The following R3HDM2 variants were observed in gnomAD, a reference collection of about 807,000 sequenced individuals.
R3HDM2 encodes R3H domain-containing protein 2.
R3HDM2 carries 38 observed loss-of-function variants against 124.5 expected under a neutral mutation model. The observed-to-expected ratio is 0.31, with a 90% CI of 0.24 to 0.40. The LOEUF (loss-of-function observed/expected upper bound fraction) is 0.40, where lower values mean the gene tolerates loss of function less well. Among genes scored for constraint, R3HDM2 ranks in the 10% least tolerant of loss-of-function variants. R3HDM2 has a pLI of 1.00. For synonymous variants in R3HDM2, 391 were observed against 448.0 expected, an observed-to-expected ratio of 0.87 and a Z score of 1.61; for missense variants, 869 against 1,236.9, an observed-to-expected ratio of 0.70 and a Z score of 4.46.
chr12:57,358,284 G>A (rs1383121136), intron 2 of R3HDM2, among the ~76,000 whole-genome samples: 1 of 152,022 alleles, frequency 6.6e-6, no homozygotes, highest in Non-Finnish European at 1.5e-5. Flanking sequence ...ACCGCGCCCA[G>A]CCAAATTTAG....
intron 1 of R3HDM2, among the ~76,000 whole-genome samples, chr12:57,417,341 C>T (rs374278265): frequency 2.6e-5 from 4 of 151,048 alleles, no homozygotes; most frequent in African/African-American, 9.7e-5. Flanking sequence ...GTAGAAATCC[C>T]GCCACTGCAC....
intron 2 of R3HDM2, among the ~76,000 whole-genome samples, chr12:57,373,678 G>A (rs752697913): frequency 2.6e-4 from 40 of 151,732 alleles, no homozygotes; most frequent in African/African-American, 6.3e-4. Flanking sequence ...GGGTGGTGGC[G>A]CATGCCTATT....
intron 2 of R3HDM2, among the ~76,000 whole-genome samples, chr12:57,342,459 C>T (rs1454468296): frequency 1.3e-5 from 2 of 150,730 alleles, no homozygotes; most frequent in Admixed American, 6.7e-5. Flanking sequence ...GTCACACTGG[C>T]ACATACACTC....
At chr12:57,324,536 A>G (rs1201276213) in intron 2 of R3HDM2, among the ~76,000 whole-genome samples, 1 of 152,236 alleles carries the variant, frequency 6.6e-6, no homozygotes, top group East Asian at 1.9e-4. Context: ...GAAATTAGAC[A>G]ACAACCTGAT....
chr12:57,363,880 G>A (rs563382528), intron 2 of R3HDM2, among the ~76,000 whole-genome samples: 7 of 150,564 alleles, frequency 4.6e-5, no homozygotes, highest in African/African-American at 1.7e-4. Flanking sequence ...AAAAAAAAAA[G>A]GCAAAAGAAT....
intron 11 of R3HDM2, among the ~76,000 whole-genome samples, chr12:57,290,355 G>C (rs2048330303): frequency 6.6e-6 from 1 of 152,204 alleles, no homozygotes; most frequent in Admixed American, 6.5e-5. Flanking sequence ...AAGCTATTGG[G>C]AGGTGGTTTA....
At chr12:57,361,048 C>CAAAAAAAAAAAAAAAAAAAA (rs35437591) in intron 2 of R3HDM2, among the ~76,000 whole-genome samples, 1 of 60,040 alleles carries the variant, frequency 1.7e-5, no homozygotes. Flanking sequence ...AGACACGTCT[C>CAAAAAAAAAAAAAAAAAAAA]AAAAAAAAAA....
chr12:57,301,135 TAAAAA>T (rs1313261663), intron 4 of R3HDM2, among the ~76,000 whole-genome samples: 3 of 150,884 alleles, frequency 2.0e-5, no homozygotes, highest in Non-Finnish European at 4.4e-5. Context: ...TAAAAAAAAA[TAAAAA>T]AAAGAGAGAC....
intron 14 of R3HDM2, among the ~76,000 whole-genome samples, chr12:57,277,099 CA>C (rs11321648): frequency 0.54 from 56,943 of 106,348 alleles, 12,705 homozygotes; most frequent in Middle Eastern, 0.8. Context: ...AAATAATGAA[CA>C]AAAAAAAAAA....
chr12:57,423,281 A>G (rs1348711744), intron 1 of R3HDM2, among the ~76,000 whole-genome samples: 1 of 151,916 alleles, frequency 6.6e-6, no homozygotes, highest in Non-Finnish European at 1.5e-5. Flanking sequence ...AAAATTAGCC[A>G]GGCACGGTGG....
chr12:57,404,563 C>T (rs1273665716), intron 1 of R3HDM2, among the ~76,000 whole-genome samples: 4 of 152,000 alleles, frequency 2.6e-5, no homozygotes, highest in African/African-American at 7.2e-5. Context: ...ATTAAATGGG[C>T]ATGGTGGCGT....
intron 2 of R3HDM2, among the ~76,000 whole-genome samples, chr12:57,380,399 C>T (rs2064687649): frequency 6.6e-6 from 1 of 152,038 alleles, no homozygotes. Context: ...CACAAAAGAC[C>T]CTTGCAGGTA....
chr12:57,299,613 GT>G, intron 5 of R3HDM2, 135 bp from the exon 6 acceptor site: 1 of 979,250 alleles, frequency 1.0e-6, no homozygotes, highest in Non-Finnish European at 1.5e-6. Flanking sequence ...TAATTAAACT[GT>G]TTTAGTTTTC....
At chr12:57,290,589 CTATA>C (rs2138325619) in intron 11 of R3HDM2, among the ~76,000 whole-genome samples, 1 of 152,154 alleles carries the variant, frequency 6.6e-6, no homozygotes, top group South Asian at 2.1e-4. Flanking sequence ...ATAGTAAGTG[CTATA>C]TAAGTGCTTG....
intron 2 of R3HDM2, among the ~76,000 whole-genome samples, chr12:57,393,137 T>A (rs1277176085): frequency 6.7e-6 from 1 of 149,012 alleles, no homozygotes; most frequent in Non-Finnish European, 1.5e-5. Flanking sequence ...GGAGTCTCGC[T>A]CTGTCGCCCA....
intron 2 of R3HDM2, among the ~76,000 whole-genome samples, chr12:57,327,719 G>T (rs1435862935): frequency 1.3e-5 from 2 of 152,126 alleles, no homozygotes; most frequent in Non-Finnish European, 2.9e-5. Flanking sequence ...CTGAAGATGG[G>T]GTGGAAATAG....
intron 1 of R3HDM2, chr12:57,418,308 T>A (rs184326701): frequency 1.0e-6 from 1 of 985,436 alleles, no homozygotes. Flanking sequence ...TTCTCATTAC[T>A]TCTGCGCAGA....
chr12:57,328,073 T>A (rs2057562776), intron 2 of R3HDM2, among the ~76,000 whole-genome samples: 1 of 124,862 alleles, frequency 8.0e-6, no homozygotes, highest in Non-Finnish European at 1.8e-5. Flanking sequence ...ATTCACGTTA[T>A]CTTTTTTTTT....
chr12:57,327,952 G>C (rs907535542), intron 2 of R3HDM2, among the ~76,000 whole-genome samples: 2 of 152,196 alleles, frequency 1.3e-5, no homozygotes, highest in African/African-American at 4.8e-5. Context: ...GGCAGGGTTT[G>C]AGAGGACTGA....
Sources: gnomAD v4.1 joint callset for allele counts (sites outside exome capture counted in the v4.1 genomes callset) on GRCh38, gnomAD v4.1.1 for gene constraint, MANE v1.5 for transcripts, NCBI Gene and HGNC (gene_info 2026-07-23, HGNC 2026-07-21) for gene names.